GPATCH11: variants seen among roughly 807,000 people sequenced by gnomAD.
GPATCH11 encodes the protein G-patch domain containing 11.
In GPATCH11, 32 loss-of-function variants were observed where a neutral mutation model predicts 44.8. The ratio of observed to expected loss-of-function variants is 0.71; its 90% CI spans 0.54 to 0.96. GPATCH11 has a LOEUF of 0.96. Ranked by LOEUF, GPATCH11 falls within the 40% of genes least tolerant of loss-of-function variation. The pLI is 0.00. For synonymous variants in GPATCH11, 84 were observed against 94.4 expected, an observed-to-expected ratio of 0.89 and a Z score of 0.64; for missense variants, 324 against 303.1, an observed-to-expected ratio of 1.07 and a Z score of -0.51.
chr2:37,093,853 C>T (rs1272053495), intron 6 of GPATCH11, among the ~76,000 whole-genome samples: 1 of 152,148 alleles, frequency 6.6e-6, no homozygotes, highest in Non-Finnish European at 1.5e-5. Context: ...GATGGGGTTT[C>T]ACCATGTTGG....
Position 37,084,532 on chromosome 2 carries a change from C to A in GPATCH11, c.-52C>A. 1 of 1,232,642 alleles carries A rather than the reference C, an allele frequency of 8.1e-7. No homozygotes were observed. Among genetic ancestry groups the A allele is most frequent in the South Asian group, 4.1e-5 (1 of 24,334 alleles). 76.4% of individuals were successfully genotyped at this position (1,232,642 alleles called of 1,614,324 possible). A position where few individuals can be genotyped will look rare whatever the true frequency, so the allele number is the denominator to read the frequency against. On this transcript the variant is annotated 5_prime_UTR_variant, in exon 1 of 9. Transcript: ENST00000674370. ...TCGGTGGGCGCATGCGCAGCGCGCG[C>A]TCTACGGCGCTGAACCGGGGCGAGC... is the stretch of plus-strand genomic sequence containing the variant.
chr2:37,094,209 C>T lies in GPATCH11; in HGVS notation c.654+14C>T, dbSNP rs774028960. On this transcript the variant is annotated intron_variant, in intron 7 of 8. Coordinates refer to ENST00000674370, the MANE Select transcript of GPATCH11 (RefSeq NM_174931.4). ...GAAGATTTAAGCGTATGCTTTGCAC[C>T]ATTTCCTTCATAGGGTGTCTCAGCC... The T allele has an allele frequency of 1.4e-6, 2 of 1,446,564 alleles. No homozygotes were observed. Among genetic ancestry groups the T allele is most frequent in the South Asian group, 2.4e-5 (2 of 81,904 alleles). 89.6% of individuals were successfully genotyped at this position (1,446,564 alleles called of 1,614,324 possible). A position where few individuals can be genotyped will look rare whatever the true frequency, so the allele number is the denominator to read the frequency against.
At position 37,098,768 on chromosome 2, in the gene GPATCH11, C is replaced by T. The variant is rs923305474; in HGVS notation, c.*2505C>T. 2 of 152,116 alleles carry T rather than the reference C, an allele frequency of 1.3e-5. No homozygotes were observed. The highest frequency in any genetic ancestry group is 6.6e-5 in the Admixed American group (1 of 15,266). 9.4% of individuals were successfully genotyped at this position (152,116 alleles called of 1,614,324 possible). A position where few individuals can be genotyped will look rare whatever the true frequency, so the allele number is the denominator to read the frequency against. ...AAAGATAAAAATACAGGCTTTCAGC[C>T]GGGTGCAGTGGTGCATGCCTTTGGT... On this transcript the variant is annotated 3_prime_UTR_variant, in exon 9 of 9. Transcript: ENST00000674370.
rs1357005822 is a variant in GPATCH11 at position 37,099,241 on chromosome 2, G to A, written c.*2978G>A. The A allele has an allele frequency of 6.6e-6, 1 of 152,092 alleles. No individual in the cohort carries two copies. Among genetic ancestry groups the A allele is most frequent in the Non-Finnish European group, 1.5e-5 (1 of 68,008 alleles). 9.4% of individuals were successfully genotyped at this position (152,092 alleles called of 1,614,324 possible). ...TTTCTAATAAACATTTATTTCAAGT[G>A]TTATTTGTTAAACATTTAATTGTTG... is the stretch of plus-strand genomic sequence containing the variant. On this transcript the variant is annotated 3_prime_UTR_variant, in exon 9 of 9. Coordinates refer to ENST00000674370, the MANE Select transcript of GPATCH11 (RefSeq NM_174931.4).
At chr2:37,089,931 C>A in intron 3 of GPATCH11, 65 bp downstream of exon 3, 2 of 1,077,470 alleles carry the variant, frequency 1.9e-6, no homozygotes, top group Non-Finnish European at 2.8e-6. Context: ...GGATAAGGAC[C>A]AAAGCTGATG....
Position 37,095,460 on chromosome 2 carries a change from G to T in GPATCH11, c.678G>T (p.Leu226Phe). Reference protein sequence around the residue: ...DLSVLEKLQILTSYLREEHLY... With the variant: ...DLSVLEKLQIFTSYLREEHLY... The stretch of plus-strand genomic sequence containing the variant: ...AGGTACTGGAAAAATTACAAATATT[G>T]ACTAGTTATTTAAGAGAAGAACATC... Residue 226 changes from leucine (L) to phenylalanine (F), a missense_variant, in exon 8 of 9, where the codon TTG (leucine) becomes TTT (phenylalanine). Leu to Phe is a conservative substitution (Grantham distance 22). Transcript: ENST00000674370. The T allele has an allele frequency of 6.2e-7, 1 of 1,605,688 alleles. No individual in the cohort carries two copies. The highest frequency in any genetic ancestry group is 1.1e-5 in the South Asian group (1 of 89,488).
In GPATCH11 at chr2:37,094,444, A is replaced by G. The variant is rs1396773705; in HGVS notation, c.654+249A>G. 1.4e-5 allele frequency: 4 copies of G among 287,100 alleles called. No individual in the cohort carries two copies. In the Admixed American group the frequency reaches 1.9e-4, roughly 13 times the overall value. 17.8% of individuals were successfully genotyped at this position (287,100 alleles called of 1,614,324 possible). A position where few individuals can be genotyped will look rare whatever the true frequency, so the allele number is the denominator to read the frequency against. ...TTGAGAGGTACTGCATTGCAGGATT[A>G]CTTTACTAACCCCAAATCAAAACTT... On this transcript the variant is annotated intron_variant, in intron 7 of 8. Transcript: ENST00000674370.
In GPATCH11 at chr2:37,096,682, CCT is replaced by C. The variant is rs1195707351; in HGVS notation, c.*420_*421del. ...CCAGTCAGAGACTGTAATATTTCTC[CCT>C]GATTGGAGAGAACAGCGGGTCTCTG... is the stretch of plus-strand genomic sequence containing the variant. On this transcript the variant is annotated 3_prime_UTR_variant, in exon 9 of 9. Transcript: ENST00000674370. 1.2e-5 allele frequency: 2 copies of C among 172,018 alleles called. No homozygotes were observed. The highest frequency in any genetic ancestry group is 4.8e-5 in the African/African-American group (2 of 41,498). 10.7% of individuals were successfully genotyped at this position (172,018 alleles called of 1,614,324 possible).
At position 37,089,016 on chromosome 2, in the gene GPATCH11, CT is replaced by C. The variant is rs547969913; in HGVS notation, c.59+578del. ...TTTCCTTTATTACATCATATTGTCT[CT>C]TCTAGCTGCTATACAACTTTGTTCT... On this transcript the variant is annotated intron_variant, in intron 2 of 8. Coordinates refer to ENST00000674370, the MANE Select transcript of GPATCH11 (RefSeq NM_174931.4). 1.3e-3 allele frequency among the ~76,000 whole-genome samples: 196 copies of C among 152,318 alleles called. 1 individual carries two copies. Among genetic ancestry groups the C allele is most frequent in the Non-Finnish European group, 2.4e-3 (164 of 68,030 alleles).
intron 2 of GPATCH11, among the ~76,000 whole-genome samples, chr2:37,088,999 A>C (rs1229278002): frequency 1.3e-5 from 2 of 152,058 alleles, no homozygotes; most frequent in East Asian, 3.8e-4. Flanking sequence ...CTTTTCCTTT[A>C]TTACATCATA....
intron 2 of GPATCH11, 114 bp downstream of exon 2, chr2:37,088,554 T>A (rs1418674418): frequency 6.8e-6 from 4 of 584,770 alleles, no homozygotes. Flanking sequence ...CTCATTCTGT[T>A]AGCAAGGCTG....
At chr2:37,086,146 G>A (rs1166814084) in intron 1 of GPATCH11, among the ~76,000 whole-genome samples, 1 of 152,126 alleles carries the variant, frequency 6.6e-6, no homozygotes, top group Non-Finnish European at 1.5e-5. Flanking sequence ...CCTGTTCACT[G>A]TGGAAGGAGA....
At chr2:37,086,634 A>G (rs865933114) in intron 1 of GPATCH11, among the ~76,000 whole-genome samples, 2 of 152,106 alleles carry the variant, frequency 1.3e-5, no homozygotes, top group Non-Finnish European at 2.9e-5. Context: ...CCCTGTCTCT[A>G]TTAAAAACAC....
Position 37,094,082 on chromosome 2 carries a change from A to G in GPATCH11, c.541A>G (p.Asn181Asp), listed in dbSNP as rs1673455736. 2.5e-6 allele frequency: 4 copies of G among 1,573,470 alleles called. No individual in the cohort carries two copies. The highest frequency in any genetic ancestry group is 3.5e-6 in the Non-Finnish European group (4 of 1,150,086). ...ATTGAGACTACTTCTGCATTTTCAGAATATTCAGGTTCCCAGGGAAGCATG... is the reference window on the plus strand; with the variant it reads ...ATTGAGACTACTTCTGCATTTTCAGGATATTCAGGTTCCCAGGGAAGCATG... ...RACQQLDVQKNIQVPREAWYW... is the reference protein window; with the variant it reads ...RACQQLDVQKDIQVPREAWYW... The change falls in exon 7 of 9, where the codon AAT (asparagine) becomes GAT (aspartate). Residue 181 changes from asparagine to aspartate, a missense_variant and splice_region_variant. Asn to Asp is a conservative substitution (Grantham distance 23). Transcript: ENST00000674370.
chr2:37,088,309 G>A lies in GPATCH11; in HGVS notation c.-13-60G>A, dbSNP rs1673140811. 7.8e-6 allele frequency: 6 copies of A among 768,692 alleles called. No individual in the cohort carries two copies. In the East Asian group the frequency reaches 1.7e-4, roughly 22 times the overall value. The allele number at this position is 768,692 out of a possible 1,614,324, so 47.6% of individuals were successfully genotyped here. A position where few individuals can be genotyped will look rare whatever the true frequency, so the allele number is the denominator to read the frequency against. ...GAGACAGCTCATGGCTGCAGATACA[G>A]AAAGGTTTATTTCCATTCTGATAAA... is the stretch of plus-strand genomic sequence containing the variant. On this transcript the variant is annotated intron_variant, in intron 1 of 8. Transcript: ENST00000674370.
rs375915588 is a variant in GPATCH11 at position 37,091,992 on chromosome 2, T to C, written c.405T>C (p.Ile135=). Residue 135 remains isoleucine, a synonymous_variant, in exon 5 of 9, where the codon ATT becomes ATC. Coordinates refer to ENST00000674370, the MANE Select transcript of GPATCH11 (RefSeq NM_174931.4). ...AATTGGAAAGCTACAGAAAAAAGAT[T>C]CACATGAAAAACCAAGCTGAAGAAA... ...EEKLESYRKK[I]HMKNQAEEKA... is the part of the protein sequence containing the mutation. 1 of 1,613,338 alleles carries C rather than the reference T, an allele frequency of 6.2e-7. No homozygotes were observed. Among genetic ancestry groups the C allele is most frequent in the Non-Finnish European group, 8.5e-7 (1 of 1,179,506 alleles).
rs1047819791 is a variant in GPATCH11 at position 37,089,643 on chromosome 2, A to C, written c.63A>C (p.Glu21Asp). ...YMSDSFINVQ[E>D]DIRPGLPMLR... is the part of the protein sequence containing the mutation. ...AATAAACTTTTCCCTTATTCAGAGA[A>C]GATATCAGACCAGGATTGCCAATGC... is the stretch of plus-strand genomic sequence containing the variant. The change falls in exon 3 of 9, where the codon GAA becomes GAC. Residue 21 changes from glutamate (E) to aspartate (D), a missense_variant. By Grantham distance (45) the Glu-to-Asp change is conservative (BLOSUM62 2). Transcript: ENST00000674370. The C allele has an allele frequency of 5.8e-6, 9 of 1,549,164 alleles. No homozygotes were observed. The Admixed American group carries it at 1.6e-4, about 27-fold the overall frequency.
chr2:37,094,190 T>G lies in GPATCH11; in HGVS notation c.649T>G (p.Leu217Val). Residue 217 changes from leucine (L) to valine (V), a missense_variant, in exon 7 of 9, where the codon TTA becomes GTA. Coordinates refer to ENST00000674370, the MANE Select transcript of GPATCH11 (RefSeq NM_174931.4). Reference sequence around the variant, plus strand: ...TGAAGATGAATATAAGAGTGAAGATTTAAGCGTATGCTTTGCACCATTTCC... The same window carrying G: ...TGAAGATGAATATAAGAGTGAAGATGTAAGCGTATGCTTTGCACCATTTCC... ...QDEDEYKSED[L>V]SVLEKLQILT... is the part of the protein sequence containing the mutation. 1 of 1,530,292 alleles carries G rather than the reference T, an allele frequency of 6.5e-7. No individual in the cohort carries two copies. The highest frequency in any genetic ancestry group is 8.9e-7 in the Non-Finnish European group (1 of 1,125,876). The allele number at this position is 1,530,292 out of a possible 1,614,324, so 94.8% of individuals were successfully genotyped here.
intron 8 of GPATCH11, among the ~76,000 whole-genome samples, chr2:37,095,812 G>A (rs1673549210): frequency 2.0e-5 from 3 of 152,018 alleles, no homozygotes; most frequent in Admixed American, 2.0e-4. Flanking sequence ...TTCTTTCTTT[G>A]GCTACAGATA....
Sources: allele counts gnomAD v4.1 joint callset (sites outside exome capture counted in the v4.1 genomes callset), GRCh38; gene constraint gnomAD v4.1.1; transcripts MANE v1.5; gene names NCBI Gene and HGNC (gene_info 2026-07-23, HGNC 2026-07-21).